The following TNFAIP2 variants were observed in gnomAD, a reference collection of about 807,000 sequenced individuals.
TNFAIP2 encodes the protein tumor necrosis factor alpha-induced protein 2.
A neutral mutation model predicts 63.5 loss-of-function variants in TNFAIP2; 47 were observed. That is an observed-to-expected ratio of 0.74 (90% CI 0.59 to 0.94). TNFAIP2 has a LOEUF of 0.94. Among genes scored for constraint, TNFAIP2 ranks in the 40% least tolerant of loss-of-function variants. The pLI, the probability that TNFAIP2 is intolerant of heterozygous loss-of-function variation, is 0.00. For synonymous variants in TNFAIP2, 405 were observed against 390.2 expected (o/e 1.04, Z -0.45); for missense variants, 787 against 850.2 (o/e 0.93, Z 0.92).
chr14:103,136,460 T>G lies in TNFAIP2; in HGVS notation c.*1100T>G, dbSNP rs2088097172. ...CTCCATCTTCAGAGCCAGCTGTGGG[T>G]AGTTGAATCTTTTTCCCGTCACCTC... On this transcript the variant is annotated 3_prime_UTR_variant, in exon 12 of 12. Transcript: ENST00000560869. The G allele has an allele frequency of 6.6e-6, 1 of 152,226 alleles. No individual in the cohort carries two copies. Among genetic ancestry groups the G allele is most frequent in the African/African-American group, 2.4e-5 (1 of 41,234 alleles). 9.4% of individuals were successfully genotyped at this position (152,226 alleles called of 1,614,324 possible).
chr14:103,127,631 T>A lies in TNFAIP2; in HGVS notation c.860+2T>A, dbSNP rs992043722. Reference sequence around the variant, plus strand: ...CTGGGTGCAGAACCTCTACCCCAAGTGAGCAGACCAGGGGCTGGGCCCGGG... The same window carrying A: ...CTGGGTGCAGAACCTCTACCCCAAGAGAGCAGACCAGGGGCTGGGCCCGGG... On this transcript the variant is annotated splice_donor_variant, in intron 3 of 11. Coordinates refer to ENST00000560869, the MANE Select transcript of TNFAIP2 (RefSeq NM_006291.4). LOFTEE classifies it high-confidence loss of function. This position sits in a 1 kb window ranked among gnomAD's most constrained non-coding sequence, Gnocchi z 5.1. 7 of 1,484,512 alleles carry A rather than the reference T, an allele frequency of 4.7e-6. No individual in the cohort carries two copies. The highest frequency in any genetic ancestry group is 4.5e-6 in the Non-Finnish European group (5 of 1,114,946). 92.0% of individuals were successfully genotyped at this position (1,484,512 alleles called of 1,614,324 possible).
At chr14:103,128,312 C>T (rs908006216) in intron 3 of TNFAIP2, among the ~76,000 whole-genome samples, 29 of 152,188 alleles carry the variant, frequency 1.9e-4, no homozygotes, top group African/African-American at 6.8e-4. Flanking sequence ...TAGGGTTACC[C>T]TGTGAGCCCG....
intron 1 of TNFAIP2, 133 bp from the exon 2 acceptor site, chr14:103,126,177 T>C: frequency 3.7e-6 from 1 of 272,380 alleles, no homozygotes. Context: ...GGCCAGGAGA[T>C]GAGCAGAGCC....
Position 103,127,034 on chromosome 14 carries a change from G to T in TNFAIP2, c.265G>T (p.Gly89Trp). 8.5e-7 allele frequency: 1 copy of T among 1,171,506 alleles called. No homozygotes were observed. 72.6% of individuals were successfully genotyped at this position (1,171,506 alleles called of 1,614,324 possible). A position where few individuals can be genotyped will look rare whatever the true frequency, so the allele number is the denominator to read the frequency against. Residue 89 changes from glycine (G) to tryptophan (W), a missense_variant, in exon 3 of 12, where the codon GGG becomes TGG. Physicochemically the swap from Gly to Trp is radical, Grantham distance 184 (BLOSUM62 -2). Around this residue, in one of 3 missense-constraint regions of TNFAIP2, gnomAD observed 258 missense variants for 228.9 expected, o/e 1.13. Transcript: ENST00000560869. This position sits in a 1 kb window ranked among gnomAD's most constrained non-coding sequence, Gnocchi z 5.1. ...GGAGCTGAAGGCGGCGCTGGAGCGC[G>T]GGCAGCTGGAGGCGGCGCGGCCGCT... ...VEELKAALERGQLEAARPLLA... is the reference protein window; with the variant it reads ...VEELKAALERWQLEAARPLLA...
At chr14:103,129,609 G>T (rs911687340) in intron 3 of TNFAIP2, 131 bp from the exon 4 acceptor site, 1 of 720,766 alleles carries the variant, frequency 1.4e-6, no homozygotes, top group Non-Finnish European at 2.4e-6. Context: ...ATGGGGACCG[G>T]GTGGGGGTGC....
In TNFAIP2 at chr14:103,135,857, AAC is replaced by A; in HGVS notation, c.*498_*499del. Reference sequence around the variant, plus strand: ...TCAGCAATGGTGGAATGGAAGACAGAACTGGAAGAGAAAGAAGGAAAAGATGA... The same window carrying A: ...TCAGCAATGGTGGAATGGAAGACAGATGGAAGAGAAAGAAGGAAAAGATGA... On this transcript the variant is annotated 3_prime_UTR_variant, in exon 12 of 12. Coordinates refer to ENST00000560869, the MANE Select transcript of TNFAIP2 (RefSeq NM_006291.4). This position sits in a 1 kb window ranked among gnomAD's most constrained non-coding sequence, Gnocchi z 7.6. The A allele has an allele frequency of 7.7e-7, 1 of 1,290,884 alleles. No homozygotes were observed. The highest frequency in any genetic ancestry group is 1.0e-6 in the Non-Finnish European group (1 of 989,836). 80.0% of individuals were successfully genotyped at this position (1,290,884 alleles called of 1,614,324 possible).
chr14:103,125,589 C>T (rs1404315113), intron 1 of TNFAIP2, among the ~76,000 whole-genome samples: 1 of 152,188 alleles, frequency 6.6e-6, no homozygotes, highest in East Asian at 1.9e-4. Flanking sequence ...AGCCAGGAAG[C>T]CTGGGTTCTG....
rs1458900519 is a variant in TNFAIP2 at position 103,127,732 on chromosome 14, T to C, written c.860+103T>C. 1 of 1,322,714 alleles carries C rather than the reference T, an allele frequency of 7.6e-7. No homozygotes were observed. Among genetic ancestry groups the C allele is most frequent in the Non-Finnish European group, 9.9e-7 (1 of 1,012,142 alleles). 81.9% of individuals were successfully genotyped at this position (1,322,714 alleles called of 1,614,324 possible). A position where few individuals can be genotyped will look rare whatever the true frequency, so the allele number is the denominator to read the frequency against. On this transcript the variant is annotated intron_variant, in intron 3 of 11. Coordinates refer to ENST00000560869, the MANE Select transcript of TNFAIP2 (RefSeq NM_006291.4). This position sits in a 1 kb window ranked among gnomAD's most constrained non-coding sequence, Gnocchi z 5.1. ...GTGCCGCCGGCAGCTTTTAGTGAGGTCGGTGTTTGCAGAGTTTTGGGTCCG... is the reference window on the plus strand; with the variant it reads ...GTGCCGCCGGCAGCTTTTAGTGAGGCCGGTGTTTGCAGAGTTTTGGGTCCG...
At position 103,123,552 on chromosome 14, in the gene TNFAIP2, C is replaced by G. The variant is rs1033283028; in HGVS notation, c.-548C>G. The G allele has an allele frequency of 6.6e-6, 1 of 152,380 alleles. No individual in the cohort carries two copies. Among genetic ancestry groups the G allele is most frequent in the Middle Eastern group, 3.4e-3 (1 of 290 alleles). 9.4% of individuals were successfully genotyped at this position (152,380 alleles called of 1,614,324 possible). ...CGCGGCTTCTCGCCCGCCCCTACCC[C>G]GAGGCCAGGCCGGATTCCCCGAGGA... is the stretch of plus-strand genomic sequence containing the variant. On this transcript the variant is annotated 5_prime_UTR_variant, in exon 1 of 12. Coordinates refer to ENST00000560869, the MANE Select transcript of TNFAIP2 (RefSeq NM_006291.4).
rs2088076062 is a variant in TNFAIP2, at chr14:103,135,482, T to C, written c.*122T>C. 6.7e-7 allele frequency: 1 copy of C among 1,503,112 alleles called. No individual in the cohort carries two copies. Among genetic ancestry groups the C allele is most frequent in the Non-Finnish European group, 8.8e-7 (1 of 1,135,612 alleles). 93.1% of individuals were successfully genotyped at this position (1,503,112 alleles called of 1,614,324 possible). On this transcript the variant is annotated 3_prime_UTR_variant, in exon 12 of 12. Transcript: ENST00000560869. The surrounding 1 kb of genome is among the most constrained non-coding windows in gnomAD (Gnocchi z 7.6). ...CGGGTCTCCTGTGCTCTGATGCTAC[T>C]TCTGCCTAGCCCTGGCGGAGGTGCA...
intron 1 of TNFAIP2, chr14:103,124,227 C>G (rs1294479276): frequency 1.3e-5 from 2 of 152,770 alleles, no homozygotes; most frequent in East Asian, 3.8e-4. Flanking sequence ...GGCCACATCC[C>G]CTCAGCAGCA....
At chr14:103,133,540 C>G in intron 10 of TNFAIP2, 23 bp downstream of exon 10, 1 of 1,609,952 alleles carries the variant, frequency 6.2e-7, no homozygotes, top group Non-Finnish European at 8.5e-7. Context: ...CCACCTCTCC[C>G]AAGCCCCTCT....
chr14:103,126,928 G>A, intron 2 of TNFAIP2, 77 bp from the exon 3 acceptor site: 1 of 1,356,128 alleles, frequency 7.4e-7, no homozygotes, highest in South Asian at 1.7e-5. Flanking sequence ...AGGGGAGGAC[G>A]GTCCCGCTTG....
chr14:103,127,526 T>C lies in TNFAIP2; in HGVS notation c.757T>C (p.Tyr253His). Residue 253 changes from tyrosine (Y) to histidine (H), a missense_variant, in exon 3 of 12, where the codon TAC (tyrosine) becomes CAC (histidine). Physicochemically the swap from Tyr to His is moderately conservative, Grantham distance 83. Transcript: ENST00000560869. This position sits in a 1 kb window ranked among gnomAD's most constrained non-coding sequence, Gnocchi z 5.1. ...FGVVAAYAES[Y>H]HQHFAAHLAA... ...CGTCGTGGCGGCCTACGCCGAGAGC[T>C]ACCACCAGCACTTCGCGGCCCACCT... is the stretch of plus-strand genomic sequence containing the variant. 6.3e-7 allele frequency: 1 copy of C among 1,589,934 alleles called. No homozygotes were observed. Among genetic ancestry groups the C allele is most frequent in the Non-Finnish European group, 8.5e-7 (1 of 1,175,426 alleles).
rs766525826 is a variant in TNFAIP2 at position 103,127,645 on chromosome 14, G to T, written c.860+16G>T. 53 of 1,457,910 alleles carry T rather than the reference G, an allele frequency of 3.6e-5. No homozygotes were observed. The Admixed American group carries it at 6.7e-4, about 19-fold the overall frequency. The allele number at this position is 1,457,910 out of a possible 1,614,324, so 90.3% of individuals were successfully genotyped here. On this transcript the variant is annotated intron_variant, in intron 3 of 11. Coordinates refer to ENST00000560869, the MANE Select transcript of TNFAIP2 (RefSeq NM_006291.4). The surrounding 1 kb of genome is among the most constrained non-coding windows in gnomAD (Gnocchi z 5.1). ...TCTACCCCAAGTGAGCAGACCAGGG[G>T]CTGGGCCCGGGCCGGCAGGGAGGGT...
At chr14:103,123,019 G>C, upstream of TNFAIP2, 1 of 346,654 alleles carries the variant, frequency 2.9e-6, no homozygotes, top group South Asian at 2.1e-5. Flanking sequence ...TGTGGCCACG[G>C]TGACACCGGA....
intron 3 of TNFAIP2, among the ~76,000 whole-genome samples, chr14:103,128,060 C>A (rs1038118916): frequency 1.3e-5 from 2 of 152,196 alleles, no homozygotes; most frequent in African/African-American, 4.8e-5. Context: ...CTGGAGAAGT[C>A]AGGGAAGCCA....
chr14:103,134,478 GTCTA>G (rs2088055830), intron 11 of TNFAIP2, among the ~76,000 whole-genome samples: 2 of 14,076 alleles, frequency 1.4e-4, no homozygotes, highest in African/African-American at 3.4e-4. Flanking sequence ...CCACCCACCC[GTCTA>G]TCCATCCATC....
In TNFAIP2 at chr14:103,129,836, A is replaced by T; in HGVS notation, c.957A>T (p.Thr319=). The change falls in exon 4 of 12, where the codon ACA becomes ACT. Residue 319 remains threonine, a synonymous_variant. Coordinates refer to ENST00000560869, the MANE Select transcript of TNFAIP2 (RefSeq NM_006291.4). The part of the protein sequence containing the change: ...PPRQIRLLEA[T]FLSSEAANVR... Reference sequence around the variant, plus strand: ...GGCAGATCCGACTGCTGGAGGCCACATTCCTGTCCAGTGAGGCGGTGAGTC... The same window carrying T: ...GGCAGATCCGACTGCTGGAGGCCACTTTCCTGTCCAGTGAGGCGGTGAGTC... The T allele has an allele frequency of 6.2e-7, 1 of 1,613,938 alleles. No homozygotes were observed. Among genetic ancestry groups the T allele is most frequent in the South Asian group, 1.1e-5 (1 of 91,080 alleles).
Sources: gnomAD v4.1 joint callset for allele counts (sites outside exome capture counted in the v4.1 genomes callset) on GRCh38, gnomAD v4.1.1 for gene constraint, gnomAD v4.1.1 regional missense constraint, Gnocchi (gnomAD v3.1) non-coding constraint, MANE v1.5 for transcripts, NCBI Gene and HGNC (gene_info 2026-07-23, HGNC 2026-07-21) for gene names.